NUDCD1: variants seen among roughly 807,000 people sequenced by gnomAD.
NUDCD1 encodes NudC domain containing 1.
Under a neutral mutation model 67.8 loss-of-function variants are expected in NUDCD1, and 60 were observed. The observed-to-expected ratio is 0.88, with a 90% CI of 0.72 to 1.10. The LOEUF is 1.10. NUDCD1 is among the 50% of genes least tolerant of loss of function. The probability of loss-of-function intolerance (pLI) is 0.00; values close to 1 mark genes in which losing one functional copy is unlikely to be tolerated. For synonymous variants in NUDCD1, 244 were observed against 230.8 expected (o/e 1.06, Z -0.52); for missense variants, 643 against 695.0 (o/e 0.93, Z 0.84).
At chr8:109,308,451 C>T (rs1815162644) in intron 2 of NUDCD1, among the ~76,000 whole-genome samples, 1 of 151,992 alleles carries the variant, frequency 6.6e-6, no homozygotes, top group South Asian at 2.1e-4. Context: ...AACCCAAAAC[C>T]AGCAGAAGAA....
chr8:109,277,021 A>G (rs1274352239), intron 6 of NUDCD1, among the ~76,000 whole-genome samples: 2 of 152,164 alleles, frequency 1.3e-5, no homozygotes, highest in Admixed American at 6.5e-5. Flanking sequence ...TGATGATGAT[A>G]ATAATAGTAA....
chr8:109,299,650 A>G lies in NUDCD1; in HGVS notation c.274-3081T>C, dbSNP rs570397481. ...ACACGCCTAGCCCTGCCCCCACCCA[A>G]TGGTCCTTCCCTACCCACCTTGGGA... On this transcript the variant is annotated intron_variant, in intron 2 of 9. Coordinates refer to ENST00000239690, the MANE Select transcript of NUDCD1 (RefSeq NM_032869.4). Among the ~76,000 whole-genome samples the G allele has an allele frequency of 2.2e-4, 34 of 152,120 alleles. 1 individual carries two copies. In the East Asian group the frequency reaches 5.6e-3, roughly 25 times the overall value.
At chr8:109,302,228 G>C (rs751549575) in intron 2 of NUDCD1, among the ~76,000 whole-genome samples, 3 of 152,158 alleles carry the variant, frequency 2.0e-5, no homozygotes, top group Non-Finnish European at 4.4e-5. Context: ...TAAATAGCCA[G>C]AAAACAGCAC....
At chr8:109,307,065 A>G (rs1448128428) in intron 2 of NUDCD1, among the ~76,000 whole-genome samples, 1 of 152,146 alleles carries the variant, frequency 6.6e-6, no homozygotes, top group Non-Finnish European at 1.5e-5. Flanking sequence ...TTAAGCCATC[A>G]TATCCCCTGT....
At chr8:109,323,438 G>A (rs1460898278) in intron 1 of NUDCD1, among the ~76,000 whole-genome samples, 1 of 152,010 alleles carries the variant, frequency 6.6e-6, no homozygotes, top group Admixed American at 6.6e-5. Flanking sequence ...ATGGAATCTT[G>A]CCAATTAGCA....
chr8:109,269,415 G>T (rs1563665657), intron 8 of NUDCD1, among the ~76,000 whole-genome samples: 3 of 152,112 alleles, frequency 2.0e-5, no homozygotes, highest in Admixed American at 2.0e-4. Context: ...TTAATGTTCA[G>T]CCATTAAATA....
rs201666589 is a variant in NUDCD1 at position 109,293,327 on chromosome 8, T to A, written c.640+17A>T. 647 of 1,443,654 alleles carry A rather than the reference T, an allele frequency of 4.5e-4. 1 individual carries two copies. Among genetic ancestry groups the A allele is most frequent in the South Asian group, 1.2e-3 (91 of 75,674 alleles). The allele number at this position is 1,443,654 out of a possible 1,614,324, so 89.4% of individuals were successfully genotyped here. ...ATAATGCCAACCAGTAGAGACAGAT[T>A]CAGACTTTTGTTTTACCTTGATTTT... On this transcript the variant is annotated intron_variant, in intron 4 of 9. Coordinates refer to ENST00000239690, the MANE Select transcript of NUDCD1 (RefSeq NM_032869.4).
rs1563654387 is a variant in NUDCD1, at chr8:109,241,400, A to G, written c.*1609T>C. ...TACTTTCCCATCATAAAGATTTTTA[A>G]TAATTCACTATTTAAATGGTCTTTT... On this transcript the variant is annotated 3_prime_UTR_variant, in exon 10 of 10. Transcript: ENST00000239690. 3 of 152,172 alleles carry G rather than the reference A, an allele frequency of 2.0e-5. No individual in the cohort carries two copies. The highest frequency in any genetic ancestry group is 4.8e-5 in the African/African-American group (2 of 41,446). The allele number at this position is 152,172 out of a possible 1,614,324, so 9.4% of individuals were successfully genotyped here.
chr8:109,252,452 T>TA (rs140508782), intron 8 of NUDCD1, among the ~76,000 whole-genome samples: 3,193 of 151,036 alleles, frequency 0.021, 108 homozygotes, highest in African/African-American at 0.072. Context: ...TGCTGATACT[T>TA]AAAAAAAAAC....
At chr8:109,307,251 G>A (rs750928285) in intron 2 of NUDCD1, among the ~76,000 whole-genome samples, 48 of 152,182 alleles carry the variant, frequency 3.2e-4, no homozygotes, top group African/African-American at 7.0e-4. Context: ...TCCCATCCCC[G>A]CCCTTAAGAA....
chr8:109,284,705 C>T (rs192033629), intron 5 of NUDCD1, among the ~76,000 whole-genome samples: 198 of 151,614 alleles, frequency 1.3e-3, no homozygotes, highest in Non-Finnish European at 2.5e-3. Context: ...TATGTATCTA[C>T]CTCAAAAAGT....
At position 109,292,444 on chromosome 8, in the gene NUDCD1, T is replaced by C. The variant is rs539428774; in HGVS notation, c.640+900A>G. Among the ~76,000 whole-genome samples the C allele has an allele frequency of 2.9e-5, 4 of 138,504 alleles. No homozygotes were observed. In the South Asian group the frequency reaches 7.0e-4, roughly 24 times the overall value. 90.9% of individuals were successfully genotyped at this position (138,504 alleles called of 152,430 possible). ...TATCTATTAGATAGACAGATAGCTGTTTTAGAATAAAAGGCAAAACCCTCT... is the reference window on the plus strand; with the variant it reads ...TATCTATTAGATAGACAGATAGCTGCTTTAGAATAAAAGGCAAAACCCTCT... On this transcript the variant is annotated intron_variant, in intron 4 of 9. Transcript: ENST00000239690.
intron 1 of NUDCD1, among the ~76,000 whole-genome samples, chr8:109,333,546 G>A (rs1563689674): frequency 6.6e-6 from 1 of 152,202 alleles, no homozygotes; most frequent in Non-Finnish European, 1.5e-5. Context: ...TGCTCCAGGA[G>A]GAAGGAATGT....
chr8:109,254,370 A>G (rs1353236891), intron 8 of NUDCD1, among the ~76,000 whole-genome samples: 1 of 152,174 alleles, frequency 6.6e-6, no homozygotes, highest in African/African-American at 2.4e-5. Flanking sequence ...AATACATTTT[A>G]GTAAGATTCC....
At chr8:109,277,393 TA>T (rs762387493) in intron 6 of NUDCD1, among the ~76,000 whole-genome samples, 35 of 152,112 alleles carry the variant, frequency 2.3e-4, no homozygotes, top group Non-Finnish European at 2.5e-4. Flanking sequence ...TTTGCACAGT[TA>T]ATCAGTGCAC....
chr8:109,245,532 A>T (rs1813474823), intron 8 of NUDCD1, 51 bp from the exon 9 acceptor site: 1 of 1,404,572 alleles, frequency 7.1e-7, no homozygotes, highest in South Asian at 1.2e-5. Context: ...TAATAATAGC[A>T]ACAATAACAA....
At chr8:109,299,495 G>C (rs770662985) in intron 2 of NUDCD1, among the ~76,000 whole-genome samples, 2 of 152,042 alleles carry the variant, frequency 1.3e-5, no homozygotes, top group African/African-American at 2.4e-5. Flanking sequence ...CCACTTCCCT[G>C]AACAATCTGC....
intron 6 of NUDCD1, among the ~76,000 whole-genome samples, chr8:109,277,458 T>A (rs1243328381): frequency 6.7e-6 from 1 of 148,300 alleles, no homozygotes; most frequent in African/African-American, 2.6e-5. Context: ...TATGCTACCA[T>A]CCAAGCAAAA....
chr8:109,299,439 C>T (rs1021779958), intron 2 of NUDCD1, among the ~76,000 whole-genome samples: 5 of 152,124 alleles, frequency 3.3e-5, no homozygotes, highest in Admixed American at 6.5e-5. Flanking sequence ...ACAGGCCCCT[C>T]GGATTGCATG....
Sources: gnomAD v4.1 joint callset for allele counts (sites outside exome capture counted in the v4.1 genomes callset) on GRCh38, gnomAD v4.1.1 for gene constraint, MANE v1.5 for transcripts, NCBI Gene and HGNC (gene_info 2026-07-23, HGNC 2026-07-21) for gene names.